Variants in CYP1B1 observed in about 807,000 individuals in gnomAD.
CYP1B1 encodes cytochrome P450 1B1.
Under a neutral mutation model 29.9 loss-of-function variants are expected in CYP1B1, and 22 were observed. The ratio of observed to expected loss-of-function variants is 0.74; its 90% CI spans 0.53 to 1.05. CYP1B1 has a LOEUF of 1.05. Among genes scored for constraint, CYP1B1 ranks in the 50% least tolerant of loss-of-function variants. The pLI is 0.00. For synonymous variants in CYP1B1, 375 were observed against 320.0 expected, an observed-to-expected ratio of 1.17 and a Z score of -1.83; for missense variants, 883 against 746.9, an observed-to-expected ratio of 1.18 and a Z score of -2.12.
rs1682400954 is a variant in CYP1B1, at chr2:38,070,297, T to C, written c.*425A>G. On this transcript the variant is annotated 3_prime_UTR_variant, in exon 3 of 3. Transcript: ENST00000610745. ...ATATACTCTGAAACTTTGTTTAATATACTTTTTGTCTATTTCTGCATATGG... is the reference window on the plus strand; with the variant it reads ...ATATACTCTGAAACTTTGTTTAATACACTTTTTGTCTATTTCTGCATATGG... 1 of 267,438 alleles carries C rather than the reference T, an allele frequency of 3.7e-6. No individual in the cohort carries two copies. Among genetic ancestry groups the C allele is most frequent in the Non-Finnish European group, 7.3e-6 (1 of 137,554 alleles). 16.6% of individuals were successfully genotyped at this position (267,438 alleles called of 1,614,324 possible).
At position 38,068,805 on chromosome 2, in the gene CYP1B1, A is replaced by C. The variant is rs1682366346; in HGVS notation, c.*1917T>G. ...GCTACGCCAAACATCTTTCTTCTAA[A>C]TGTCCATGCTTTGAATTTTGTGCTC... On this transcript the variant is annotated 3_prime_UTR_variant, in exon 3 of 3. Coordinates refer to ENST00000610745, the MANE Select transcript of CYP1B1 (RefSeq NM_000104.4). 1 of 225,842 alleles carries C rather than the reference A, an allele frequency of 4.4e-6. No homozygotes were observed. 14.0% of individuals were successfully genotyped at this position (225,842 alleles called of 1,614,324 possible). A position where few individuals can be genotyped will look rare whatever the true frequency, so the allele number is the denominator to read the frequency against.
chr2:38,071,384 AT>A, intron 2 of CYP1B1, 74 bp from the exon 3 acceptor site: 1 of 1,328,004 alleles, frequency 7.5e-7, no homozygotes, highest in Non-Finnish European at 1.1e-6. Context: ...GCACATTATA[AT>A]TTATTTTAAT....
rs72481805 is a variant in CYP1B1 at position 38,074,582 on chromosome 2, G to C, written c.807C>G (p.Ser269Arg). The C allele has an allele frequency of 4.3e-6, 7 of 1,612,028 alleles. No homozygotes were observed. The East Asian group carries it at 8.9e-5, about 21-fold the overall frequency. ...REFEQLNRNF[S>R]NFILDKFLRH... ...TCAAGAACTTGTCCAGGATGAAGTT[G>C]CTGAAGTTGCGGTTGAGCTGCTCGA... The change falls in exon 2 of 3, where the codon AGC (serine) becomes AGG (arginine). Residue 269 changes from serine to arginine, a missense_variant. Coordinates refer to ENST00000610745, the MANE Select transcript of CYP1B1 (RefSeq NM_000104.4).
Position 38,070,354 on chromosome 2 carries a change from C to G in CYP1B1, c.*368G>C. On this transcript the variant is annotated 3_prime_UTR_variant, in exon 3 of 3. Transcript: ENST00000610745. ...AATCTTGGATTCCCACCAAAAATGG[C>G]CTGGTTACCAAAATACTGCTTCATT... 3.2e-6 allele frequency: 1 copy of G among 310,666 alleles called. No homozygotes were observed. The highest frequency in any genetic ancestry group is 6.0e-6 in the Non-Finnish European group (1 of 165,682). The allele number at this position is 310,666 out of a possible 1,614,324, so 19.2% of individuals were successfully genotyped here. A position where few individuals can be genotyped will look rare whatever the true frequency, so the allele number is the denominator to read the frequency against.
chr2:38,074,092 C>G (rs987749084), intron 2 of CYP1B1, among the ~76,000 whole-genome samples: 4 of 151,990 alleles, frequency 2.6e-5, no homozygotes, highest in Non-Finnish European at 5.9e-5. Context: ...TGTGTTCTCA[C>G]TCGCAAGCAG....
chr2:38,070,676 T>A lies in CYP1B1; in HGVS notation c.*46A>T. On this transcript the variant is annotated 3_prime_UTR_variant, in exon 3 of 3. Coordinates refer to ENST00000610745, the MANE Select transcript of CYP1B1 (RefSeq NM_000104.4). Reference sequence around the variant, plus strand: ...AAAAAACTGAATTTTACTCCTCATCTCCGAAGATGTGAATATTTCTAAAAT... The same window carrying A: ...AAAAAACTGAATTTTACTCCTCATCACCGAAGATGTGAATATTTCTAAAAT... 6.5e-7 allele frequency: 1 copy of A among 1,546,140 alleles called. No individual in the cohort carries two copies. Among genetic ancestry groups the A allele is most frequent in the Non-Finnish European group, 8.9e-7 (1 of 1,118,238 alleles).
In CYP1B1 at chr2:38,068,455, C is replaced by T. The variant is rs34329725; in HGVS notation, c.*2267G>A. The T allele has an allele frequency of 4.4e-6, 1 of 225,772 alleles. No individual in the cohort carries two copies. Among genetic ancestry groups the T allele is most frequent in the African/African-American group, 2.2e-5 (1 of 44,820 alleles). The allele number at this position is 225,772 out of a possible 1,614,324, so 14.0% of individuals were successfully genotyped here. A position where few individuals can be genotyped will look rare whatever the true frequency, so the allele number is the denominator to read the frequency against. On this transcript the variant is annotated 3_prime_UTR_variant, in exon 3 of 3. Transcript: ENST00000610745. ...GGACCTGGTTGACATAATGAGGCAT[C>T]CAGATTGGTTCATGATTATTTTTGC...
intron 2 of CYP1B1, 142 bp downstream of exon 2, chr2:38,074,204 G>A: frequency 3.2e-6 from 3 of 940,490 alleles, no homozygotes; most frequent in Non-Finnish European, 4.8e-6. Context: ...TCCCTTTACC[G>A]ACGCGATCTT....
At position 38,069,210 on chromosome 2, in the gene CYP1B1, A is replaced by G. The variant is rs1682377520; in HGVS notation, c.*1512T>C. ...CCACTGTCTTTTCCAAACAGCTTCC[A>G]AGACTATCTTCTGATTCTGACTTTC... is the stretch of plus-strand genomic sequence containing the variant. On this transcript the variant is annotated 3_prime_UTR_variant, in exon 3 of 3. Coordinates refer to ENST00000610745, the MANE Select transcript of CYP1B1 (RefSeq NM_000104.4). 1 of 225,270 alleles carries G rather than the reference A, an allele frequency of 4.4e-6. No individual in the cohort carries two copies. The highest frequency in any genetic ancestry group is 8.9e-6 in the Non-Finnish European group (1 of 112,986). The allele number at this position is 225,270 out of a possible 1,614,324, so 14.0% of individuals were successfully genotyped here. A position where few individuals can be genotyped will look rare whatever the true frequency, so the allele number is the denominator to read the frequency against.
chr2:38,075,439 G>C (rs778855600), intron 1 of CYP1B1, 50 bp from the exon 2 acceptor site: 1 of 1,583,642 alleles, frequency 6.3e-7, no homozygotes, highest in Non-Finnish European at 8.6e-7. Context: ...AGAGACAGGA[G>C]CGGGCGCCCC....
Position 38,074,612 on chromosome 2 carries a change from G to A in CYP1B1, c.777C>T (p.Arg259=). The part of the protein sequence containing the change: ...YFPNPVRTVF[R]EFEQLNRNFS... ...AGTTGCGGTTGAGCTGCTCGAATTC[G>A]CGGAAAACGGTGCGCACCGGGTTGG... Residue 259 remains arginine (R), a synonymous_variant, in exon 2 of 3, where the codon CGC becomes CGT. Coordinates refer to ENST00000610745, the MANE Select transcript of CYP1B1 (RefSeq NM_000104.4). 3.1e-6 allele frequency: 5 copies of A among 1,613,560 alleles called. No homozygotes were observed. The highest frequency in any genetic ancestry group is 4.2e-6 in the Non-Finnish European group (5 of 1,180,004).
chr2:38,074,928 T>C lies in CYP1B1; in HGVS notation c.461A>G (p.Asn154Ser), dbSNP rs1301577881. The C allele has an allele frequency of 1.9e-6, 3 of 1,562,420 alleles. No homozygotes were observed. The highest frequency in any genetic ancestry group is 2.6e-6 in the Non-Finnish European group (3 of 1,160,458). The change falls in exon 2 of 3, where the codon AAC becomes AGC. Residue 154 changes from asparagine (N) to serine (S), a missense_variant. Coordinates refer to ENST00000610745, the MANE Select transcript of CYP1B1 (RefSeq NM_000104.4). ...GCTGCGCGGCTGGCGCGTGAAGAAG[T>C]TGCGCATCATGCTGTGGGCTGCGCG... is the stretch of plus-strand genomic sequence containing the variant. ...QRRAAHSMMR[N>S]FFTRQPRSRQ...
rs1157735525 is a variant in CYP1B1, at chr2:38,074,565, T to G, written c.824A>C (p.Lys275Thr). ...AAGGCTTTCGCAGTGCCTCAAGAAC[T>G]TGTCCAGGATGAAGTTGCTGAAGTT... Reference protein sequence around the residue: ...NRNFSNFILDKFLRHCESLRP... With the variant: ...NRNFSNFILDTFLRHCESLRP... Residue 275 changes from lysine (K) to threonine (T), a missense_variant, in exon 2 of 3, where the codon AAG becomes ACG. Physicochemically the swap from Lys to Thr is moderately conservative, Grantham distance 78. Coordinates refer to ENST00000610745, the MANE Select transcript of CYP1B1 (RefSeq NM_000104.4). 6.2e-7 allele frequency: 1 copy of G among 1,610,598 alleles called. No homozygotes were observed. Among genetic ancestry groups the G allele is most frequent in the East Asian group, 2.2e-5 (1 of 44,728 alleles).
chr2:38,068,684 A>G lies in CYP1B1; in HGVS notation c.*2038T>C, dbSNP rs1190574619. The G allele has an allele frequency of 2.2e-5, 5 of 224,412 alleles. No individual in the cohort carries two copies. The Admixed American group carries it at 2.9e-4, about 13-fold the overall frequency. 13.9% of individuals were successfully genotyped at this position (224,412 alleles called of 1,614,324 possible). ...TCAAGAAGTACAGCTATGAAATTTT[A>G]AAATAAAATTACATGAAGTTTTTTA... is the stretch of plus-strand genomic sequence containing the variant. On this transcript the variant is annotated 3_prime_UTR_variant, in exon 3 of 3. Coordinates refer to ENST00000610745, the MANE Select transcript of CYP1B1 (RefSeq NM_000104.4).
chr2:38,072,220 G>A (rs190617316), intron 2 of CYP1B1, among the ~76,000 whole-genome samples: 19 of 152,214 alleles, frequency 1.2e-4, no homozygotes, highest in Middle Eastern at 3.4e-3. Context: ...AACCACAACA[G>A]GACCTAAAAT....
intron 1 of CYP1B1, 70 bp from the exon 2 acceptor site, chr2:38,075,459 C>A: frequency 6.6e-7 from 1 of 1,512,564 alleles, no homozygotes; most frequent in Non-Finnish European, 9.0e-7. Context: ...CACGCCCCTA[C>A]CCCAGCCTCT....
Position 38,074,873 on chromosome 2 carries a change from G to T in CYP1B1, c.516C>A (p.Ser172Arg), listed in dbSNP as rs1682500247. 1.3e-6 allele frequency: 2 copies of T among 1,554,698 alleles called. No homozygotes were observed. Among genetic ancestry groups the T allele is most frequent in the Non-Finnish European group, 8.7e-7 (1 of 1,152,122 alleles). Reference sequence around the variant, plus strand: ...GCAGCGCCACCAGCTCGCGCGCCTCGCTCAGCACGTGGCCCTCGAGGACTT... The same window carrying T: ...GCAGCGCCACCAGCTCGCGCGCCTCTCTCAGCACGTGGCCCTCGAGGACTT... ...SRQVLEGHVL[S>R]EARELVALLV... Residue 172 changes from serine to arginine, a missense_variant, in exon 2 of 3, where the codon AGC (serine) becomes AGA (arginine). Ser to Arg is a moderately radical substitution (Grantham distance 110). Transcript: ENST00000610745.
At position 38,075,232 on chromosome 2, in the gene CYP1B1, C is replaced by T; in HGVS notation, c.157G>A (p.Gly53Ser). 6.3e-7 allele frequency: 1 copy of T among 1,588,552 alleles called. No homozygotes were observed. The highest frequency in any genetic ancestry group is 8.5e-7 in the Non-Finnish European group (1 of 1,173,204). The change falls in exon 2 of 3, where the codon GGC becomes AGC. Residue 53 changes from glycine (G) to serine (S), a missense_variant. By Grantham distance (56) the Gly-to-Ser change is moderately conservative (BLOSUM62 0). Coordinates refer to ENST00000610745, the MANE Select transcript of CYP1B1 (RefSeq NM_000104.4). ...CCGATCAGTGGCCACGCAAACGGGC[C>T]CGGGGGCGCGGACCGGAGCTGCCGC... ...RRRQLRSAPP[G>S]PFAWPLIGNA... is the part of the protein sequence containing the mutation.
chr2:38,074,527 C>T lies in CYP1B1; in HGVS notation c.862G>A (p.Ala288Thr), dbSNP rs1272655298. The change falls in exon 2 of 3, where the codon GCC (alanine) becomes ACC (threonine). Residue 288 changes from alanine (A) to threonine (T), a missense_variant. Coordinates refer to ENST00000610745, the MANE Select transcript of CYP1B1 (RefSeq NM_000104.4). ...AAGGCGTCCATCATGTCGCGGGGGGCGGCCCCGGGCCGAAGGCTTTCGCAG... is the reference window on the plus strand; with the variant it reads ...AAGGCGTCCATCATGTCGCGGGGGGTGGCCCCGGGCCGAAGGCTTTCGCAG... ...RHCESLRPGA[A>T]PRDMMDAFIL... 3 of 1,607,570 alleles carry T rather than the reference C, an allele frequency of 1.9e-6. No individual in the cohort carries two copies. The South Asian group carries it at 3.3e-5, about 18-fold the overall frequency.
Sources: gnomAD v4.1 joint callset for allele counts (sites outside exome capture counted in the v4.1 genomes callset) on GRCh38, gnomAD v4.1.1 for gene constraint, MANE v1.5 for transcripts, NCBI Gene and HGNC (gene_info 2026-07-23, HGNC 2026-07-21) for gene names.